Variants in EIF3H observed in about 807,000 individuals in gnomAD.
EIF3H encodes the protein eIF-3-gamma.
In EIF3H, 26 loss-of-function variants were observed where a neutral mutation model predicts 44.2. The observed-to-expected ratio is 0.59, with a 90% CI of 0.43 to 0.82. EIF3H has a LOEUF of 0.82. Among genes scored for constraint, EIF3H ranks in the 40% least tolerant of loss-of-function variants. The probability of loss-of-function intolerance (pLI) is 0.00; values close to 1 mark genes in which losing one functional copy is unlikely to be tolerated. For synonymous variants in EIF3H, 166 were observed against 151.9 expected, an observed-to-expected ratio of 1.09 and a Z score of -0.68; for missense variants, 359 against 432.8, an observed-to-expected ratio of 0.83 and a Z score of 1.51.
intron 2 of EIF3H, among the ~76,000 whole-genome samples, chr8:116,708,707 C>T (rs1294257264): frequency 6.6e-6 from 1 of 152,014 alleles, no homozygotes; most frequent in Non-Finnish European, 1.5e-5. Flanking sequence ...AAACTGAGAG[C>T]AGTACTTTAT....
intron 5 of EIF3H, among the ~76,000 whole-genome samples, chr8:116,650,661 T>C (rs1459198191): frequency 6.6e-6 from 1 of 152,150 alleles, no homozygotes; most frequent in Non-Finnish European, 1.5e-5. Flanking sequence ...GGCTGCTTAT[T>C]GTAGGACTCT....
intron 2 of EIF3H, among the ~76,000 whole-genome samples, chr8:116,680,199 G>GGGA (rs1554599276): frequency 3.2e-4 from 4 of 12,524 alleles, no homozygotes; most frequent in Admixed American, 2.2e-3. Flanking sequence ...CCGGGAGGGT[G>GGGA]GGGGGGGGGG....
rs202206930 is a variant in EIF3H at position 116,674,892 on chromosome 8, GT to G, written c.290-15913del. On this transcript the variant is annotated intron_variant, in intron 2 of 7. Coordinates refer to ENST00000521861, the MANE Select transcript of EIF3H (RefSeq NM_003756.3). Reference sequence around the variant, plus strand: ...ATAGAGTTCAGGTGCAAAAAAAGTTGTTTTTTTTTAGATGTTTTTACAAGGT... The same window carrying G: ...ATAGAGTTCAGGTGCAAAAAAAGTTGTTTTTTTTAGATGTTTTTACAAGGT... 4.4e-4 allele frequency among the ~76,000 whole-genome samples: 67 copies of G among 150,984 alleles called. 1 individual carries two copies. In the South Asian group the frequency reaches 0.012, roughly 27 times the overall value.
intron 1 of EIF3H, among the ~76,000 whole-genome samples, chr8:116,755,278 A>G (rs1271752351): frequency 6.6e-6 from 1 of 152,206 alleles, no homozygotes; most frequent in African/African-American, 2.4e-5. Context: ...AGATCCCAGC[A>G]GGGAATCAGT....
At chr8:116,707,091 T>C (rs917761854) in intron 2 of EIF3H, among the ~76,000 whole-genome samples, 2 of 152,200 alleles carry the variant, frequency 1.3e-5, no homozygotes, top group Non-Finnish European at 2.9e-5. Context: ...CAAGGCAGAA[T>C]TATCCACGGA....
At chr8:116,661,370 T>C (rs1289417761) in intron 2 of EIF3H, among the ~76,000 whole-genome samples, 3 of 152,194 alleles carry the variant, frequency 2.0e-5, no homozygotes, top group Non-Finnish European at 4.4e-5. Context: ...TTAGCTACAA[T>C]ATAAGAAGAG....
chr8:116,652,706 A>G (rs1012428501), intron 5 of EIF3H, among the ~76,000 whole-genome samples: 1 of 152,084 alleles, frequency 6.6e-6, no homozygotes, highest in Non-Finnish European at 1.5e-5. Flanking sequence ...TTTCTTTCAA[A>G]TTGTCTAAAG....
At chr8:116,746,877 A>C (rs1029073125) in intron 1 of EIF3H, among the ~76,000 whole-genome samples, 1 of 152,156 alleles carries the variant, frequency 6.6e-6, no homozygotes, top group African/African-American at 2.4e-5. Context: ...GCAAAAAAAA[A>C]CCTGAAAAGC....
intron 1 of EIF3H, among the ~76,000 whole-genome samples, chr8:116,728,117 GATC>G (rs1814883474): frequency 6.6e-6 from 1 of 152,062 alleles, no homozygotes; most frequent in Non-Finnish European, 1.5e-5. Flanking sequence ...TCTGTGTACT[GATC>G]ATCAACACGA....
intron 5 of EIF3H, among the ~76,000 whole-genome samples, chr8:116,651,626 T>G (rs1469919662): frequency 1.3e-5 from 2 of 152,262 alleles, no homozygotes; most frequent in Non-Finnish European, 2.9e-5. Context: ...AATCAAGTGC[T>G]TCTTTCATAT....
At chr8:116,756,074 T>C (rs924007423), upstream of EIF3H, 4 of 1,373,984 alleles carry the variant, frequency 2.9e-6, no homozygotes, top group Non-Finnish European at 4.0e-6. Flanking sequence ...AGGCAAACCG[T>C]CATAATAGCA....
At chr8:116,685,345 G>A (rs1814058533) in intron 2 of EIF3H, among the ~76,000 whole-genome samples, 1 of 152,162 alleles carries the variant, frequency 6.6e-6, no homozygotes, top group Non-Finnish European at 1.5e-5. Flanking sequence ...GAAAGAACTA[G>A]GTAGCAAGAA....
chr8:116,704,738 T>C (rs1335979389), intron 2 of EIF3H, among the ~76,000 whole-genome samples: 1 of 152,224 alleles, frequency 6.6e-6, no homozygotes, highest in African/African-American at 2.4e-5. Context: ...CCTATTATTT[T>C]TAACTTCAAC....
chr8:116,757,375 C>T (rs1042781820), upstream of EIF3H, among the ~76,000 whole-genome samples: 4 of 152,110 alleles, frequency 2.6e-5, no homozygotes, highest in Admixed American at 6.5e-5. Context: ...TTGACATTTC[C>T]GTCACTTCGG....
At chr8:116,738,947 A>G (rs977091690) in intron 1 of EIF3H, among the ~76,000 whole-genome samples, 1 of 152,210 alleles carries the variant, frequency 6.6e-6, no homozygotes, top group African/African-American at 2.4e-5. Flanking sequence ...CAATTAAATT[A>G]TTAAATTATT....
chr8:116,743,561 T>C (rs1815165082), intron 1 of EIF3H, among the ~76,000 whole-genome samples: 1 of 151,854 alleles, frequency 6.6e-6, no homozygotes, highest in Non-Finnish European at 1.5e-5. Flanking sequence ...CTGGTCAACA[T>C]GGCGAAACCC....
In EIF3H at chr8:116,726,052, G is replaced by A; in HGVS notation, c.253C>T (p.Pro85Ser). ...RLEITNCFPF[P>S]QHTEDDADFD... is the part of the protein sequence containing the mutation. The stretch of plus-strand genomic sequence containing the variant: ...TCAGCATCATCCTCTGTGTGCTGAG[G>A]GAAAGGAAAGCAGTTGGTAATTTCA... The change falls in exon 2 of 8, where the codon CCT becomes TCT. Residue 85 changes from proline to serine, a missense_variant. Coordinates refer to ENST00000521861, the MANE Select transcript of EIF3H (RefSeq NM_003756.3). The A allele has an allele frequency of 2.5e-6, 4 of 1,613,984 alleles. No homozygotes were observed. The highest frequency in any genetic ancestry group is 3.4e-6 in the Non-Finnish European group (4 of 1,179,952).
intron 7 of EIF3H, 33 bp from the exon 8 acceptor site, chr8:116,645,136 G>A: frequency 1.3e-6 from 2 of 1,521,982 alleles, no homozygotes; most frequent in East Asian, 2.3e-5. Context: ...GAGCCATAAT[G>A]TTCCACAAAT....
chr8:116,706,804 C>T (rs187113166), intron 2 of EIF3H, among the ~76,000 whole-genome samples: 94 of 152,262 alleles, frequency 6.2e-4, no homozygotes, highest in East Asian at 3.3e-3. Context: ...CTCAGCCTCC[C>T]GAAGTGCTGG....
Sources: allele counts gnomAD v4.1 joint callset (sites outside exome capture counted in the v4.1 genomes callset), GRCh38; gene constraint gnomAD v4.1.1; transcripts MANE v1.5; gene names NCBI Gene and HGNC (gene_info 2026-07-23, HGNC 2026-07-21).